Variants in KIAA0586 observed in about 807,000 individuals in gnomAD.
KIAA0586 encodes the protein KIAA0586, also known as protein TALPID3.
A neutral mutation model predicts 169.8 loss-of-function variants in KIAA0586; 144 were observed. The observed-to-expected ratio is 0.85, with a 90% CI of 0.74 to 0.97. KIAA0586 has a LOEUF of 0.97. Among genes scored for constraint, KIAA0586 ranks in the 50% least tolerant of loss-of-function variants. The probability of loss-of-function intolerance (pLI) is 0.00; values close to 1 mark genes in which losing one functional copy is unlikely to be tolerated. For synonymous variants in KIAA0586, 625 were observed against 612.4 expected (o/e 1.02, Z -0.30); for missense variants, 1,854 against 1,823.0 (o/e 1.02, Z -0.31).
intron 21 of KIAA0586, among the ~76,000 whole-genome samples, chr14:58,485,726 A>G (rs2042394240): frequency 6.6e-6 from 1 of 152,096 alleles, no homozygotes; most frequent in African/African-American, 2.4e-5. Context: ...TTAATATTAA[A>G]TTGTTACATT....
intron 30 of KIAA0586, chr14:58,543,896 T>C (rs1221303652): frequency 2.2e-6 from 1 of 455,826 alleles, no homozygotes; most frequent in Non-Finnish European, 4.4e-6. Context: ...TGGGGGTACA[T>C]GTGAAGAAGG....
chr14:58,483,654 A>G (rs1046352741), intron 21 of KIAA0586, among the ~76,000 whole-genome samples: 1 of 152,192 alleles, frequency 6.6e-6, no homozygotes, highest in Admixed American at 6.5e-5. Context: ...AAAAGAAAAT[A>G]CATTTCAGGA....
At position 58,452,938 on chromosome 14, in the gene KIAA0586, A is replaced by G. The variant is rs190738935; in HGVS notation, c.1130-412A>G. 4.7e-4 allele frequency among the ~76,000 whole-genome samples: 69 copies of G among 147,002 alleles called. No individual in the cohort carries two copies. The East Asian group carries it at 5.2e-3, about 11-fold the overall frequency. On this transcript the variant is annotated intron_variant, in intron 8 of 30. Transcript: ENST00000652326. Reference sequence around the variant, plus strand: ...GCTATAAATTTTTTTTTTTTTTGAGATGGAGTTTCACTCTTGTCGCCCAGG... The same window carrying G: ...GCTATAAATTTTTTTTTTTTTTGAGGTGGAGTTTCACTCTTGTCGCCCAGG...
At position 58,477,127 on chromosome 14, in the gene KIAA0586, G is replaced by A; in HGVS notation, c.2830G>A (p.Glu944Lys). 6.5e-7 allele frequency: 1 copy of A among 1,538,082 alleles called. No homozygotes were observed. The highest frequency in any genetic ancestry group is 8.9e-7 in the Non-Finnish European group (1 of 1,127,810). The change falls in exon 20 of 31, where the codon GAG (glutamate) becomes AAG (lysine). Residue 944 changes from glutamate to lysine, a missense_variant. Transcript: ENST00000652326. Reference sequence around the variant, plus strand: ...TCTGCCCCACCATCCTCTCAGGGTAGAGCAAGAAATAATGTCAAGAATTAT... The same window carrying A: ...TCTGCCCCACCATCCTCTCAGGGTAAAGCAAGAAATAATGTCAAGAATTAT... Reference protein sequence around the residue: ...TLENSLIQWVEQEIMSRIISG... With the variant: ...TLENSLIQWVKQEIMSRIISG...
rs537136907 is a variant in KIAA0586, at chr14:58,550,457, T to G, written c.*2525T>G. 6.6e-6 allele frequency: 1 copy of G among 152,306 alleles called. No individual in the cohort carries two copies. The highest frequency in any genetic ancestry group is 1.5e-5 in the Non-Finnish European group (1 of 68,026). The allele number at this position is 152,306 out of a possible 1,614,324, so 9.4% of individuals were successfully genotyped here. Reference sequence around the variant, plus strand: ...TATAAGCTTTAAAATTTTTATTTTATATTAAATTTTACAATTTCCAACTTC... The same window carrying G: ...TATAAGCTTTAAAATTTTTATTTTAGATTAAATTTTACAATTTCCAACTTC... On this transcript the variant is annotated 3_prime_UTR_variant, in exon 31 of 31. Coordinates refer to ENST00000652326, the MANE Select transcript of KIAA0586 (RefSeq NM_001329943.3).
chr14:58,464,053 G>T (rs917148801), intron 14 of KIAA0586: 4 of 434,526 alleles, frequency 9.2e-6, no homozygotes, highest in South Asian at 3.5e-5. Context: ...GAGAATTGAT[G>T]ATATGAGTAG....
chr14:58,441,521 A>T (rs1051674563), intron 4 of KIAA0586, among the ~76,000 whole-genome samples: 1 of 152,060 alleles, frequency 6.6e-6, no homozygotes, highest in African/African-American at 2.4e-5. Context: ...TAATTCTTAT[A>T]TAAATATTTG....
intron 29 of KIAA0586, chr14:58,521,557 CA>C: frequency 1.2e-6 from 1 of 862,562 alleles, no homozygotes; most frequent in Non-Finnish European, 2.0e-6. Flanking sequence ...GAAATGTCAG[CA>C]TGTATCAGGA....
intron 30 of KIAA0586, among the ~76,000 whole-genome samples, chr14:58,547,386 A>G (rs1310730080): frequency 2.6e-5 from 4 of 152,176 alleles, no homozygotes; most frequent in Non-Finnish European, 5.9e-5. Flanking sequence ...AGTAGGTACT[A>G]TTATCCCATT....
chr14:58,444,915 G>GA (rs869127762), intron 6 of KIAA0586, among the ~76,000 whole-genome samples: 40 of 111,946 alleles, frequency 3.6e-4, no homozygotes, highest in African/African-American at 1.4e-3. Context: ...CATCTCTTAG[G>GA]AAAAAAAAAA....
intron 4 of KIAA0586, among the ~76,000 whole-genome samples, chr14:58,435,596 T>C (rs950786972): frequency 6.6e-6 from 1 of 152,220 alleles, no homozygotes; most frequent in African/African-American, 2.4e-5. Flanking sequence ...AGCTGTAATT[T>C]TGTATCCTTT....
rs1297914704 is a variant in KIAA0586, at chr14:58,507,279, TTTA to T, written c.4169-1274_4169-1272del. 4.8e-5 allele frequency among the ~76,000 whole-genome samples: 7 copies of T among 147,144 alleles called. No homozygotes were observed. In the East Asian group the frequency reaches 1.4e-3, roughly 29 times the overall value. ...ATGTATGATTTATATATATGTATGA[TTTA>T]TATATATATCATGTGTATGATTTAT... On this transcript the variant is annotated intron_variant, in intron 27 of 30. Coordinates refer to ENST00000652326, the MANE Select transcript of KIAA0586 (RefSeq NM_001329943.3).
At chr14:58,555,938 C>G (rs1326134412), downstream of KIAA0586, among the ~76,000 whole-genome samples, 1 of 152,180 alleles carries the variant, frequency 6.6e-6, no homozygotes, top group African/African-American at 2.4e-5. Flanking sequence ...TTTGAGCTAG[C>G]AAAGGCATTG....
chr14:58,430,066 T>C (rs1276972711), intron 2 of KIAA0586, among the ~76,000 whole-genome samples: 2 of 152,168 alleles, frequency 1.3e-5, no homozygotes, highest in African/African-American at 2.4e-5. Flanking sequence ...ATTGAGACTA[T>C]ATGACAATTT....
intron 19 of KIAA0586, among the ~76,000 whole-genome samples, chr14:58,476,315 G>A (rs972485946): frequency 6.6e-6 from 1 of 151,976 alleles, no homozygotes; most frequent in Non-Finnish European, 1.5e-5. Context: ...TGTTCTAGAA[G>A]TCTCCTGTTC....
At chr14:58,444,218 A>T in intron 6 of KIAA0586, 43 bp downstream of exon 6, 2 of 1,262,166 alleles carry the variant, frequency 1.6e-6, no homozygotes, top group Non-Finnish European at 2.3e-6. Context: ...ATCTTTTATC[A>T]CTTGGATCTC....
chr14:58,502,229 G>A (rs142231806), intron 27 of KIAA0586, among the ~76,000 whole-genome samples: 4 of 152,112 alleles, frequency 2.6e-5, no homozygotes, highest in African/African-American at 9.6e-5. Context: ...TCTGCCTCCT[G>A]GGTTCAAGTG....
chr14:58,484,370 G>T (rs1233986380), intron 21 of KIAA0586, among the ~76,000 whole-genome samples: 1 of 151,978 alleles, frequency 6.6e-6, no homozygotes, highest in African/African-American at 2.4e-5. Flanking sequence ...AAATATTGTT[G>T]AGATTTCAGT....
chr14:58,451,546 TA>T (rs1366335543), intron 8 of KIAA0586, among the ~76,000 whole-genome samples: 1 of 152,078 alleles, frequency 6.6e-6, no homozygotes, highest in Non-Finnish European at 1.5e-5. Context: ...TATTAATAAA[TA>T]AAAAACAATG....
Sources: gnomAD v4.1 joint callset for allele counts (sites outside exome capture counted in the v4.1 genomes callset) on GRCh38, gnomAD v4.1.1 for gene constraint, MANE v1.5 for transcripts, NCBI Gene and HGNC (gene_info 2026-07-23, HGNC 2026-07-21) for gene names.